The following KIAA1217 variants were observed in gnomAD, a reference collection of about 807,000 sequenced individuals.
The protein encoded by KIAA1217 is sickle tail protein homolog.
A neutral mutation model predicts 163.9 loss-of-function variants in KIAA1217; 88 were observed. The ratio of observed to expected loss-of-function variants is 0.54; its 90% confidence interval spans 0.45 to 0.64. KIAA1217 has a LOEUF of 0.64. Ranked by LOEUF, KIAA1217 falls within the 30% of genes least tolerant of loss-of-function variation. The pLI is 0.00. For synonymous variants in KIAA1217, 903 were observed against 923.1 expected (o/e 0.98, Z 0.39); for missense variants, 2,372 against 2,475.0 (o/e 0.96, Z 0.88).
At chr10:24,051,168 A>C (rs545755044) in intron 2 of KIAA1217, among the ~76,000 whole-genome samples, 1 of 152,252 alleles carries the variant, frequency 6.6e-6, no homozygotes, top group Non-Finnish European at 1.5e-5. Context: ...GTGAGAACAT[A>C]TGATGTTTGA....
At position 24,099,187 on chromosome 10, in the gene KIAA1217, CTT is replaced by C. The variant is rs568234232; in HGVS notation, c.-171+91824_-171+91825del. On this transcript the variant is annotated intron_variant, in intron 2 of 18. Transcript: ENST00000376462. ...TTTTTATTTTTTTCTCCTGCAAAAA[CTT>C]TTTTTTTTTTAATACTTTAAGTTCT... is the stretch of plus-strand genomic sequence containing the variant. Among the ~76,000 whole-genome samples the C allele has an allele frequency of 1.4e-3, 200 of 146,364 alleles. 1 individual carries two copies. Among genetic ancestry groups the C allele is most frequent in the African/African-American group, 4.2e-3 (167 of 40,160 alleles).
intron 5 of KIAA1217, among the ~76,000 whole-genome samples, chr10:24,463,503 TA>T (rs747875037): frequency 3.3e-5 from 5 of 152,198 alleles, no homozygotes; most frequent in African/African-American, 4.8e-5. Context: ...ATAGGCTAAC[TA>T]AAACCTTACA....
intron 1 of KIAA1217, among the ~76,000 whole-genome samples, chr10:23,891,196 T>C (rs1841402352): frequency 6.6e-6 from 1 of 152,034 alleles, no homozygotes; most frequent in African/African-American, 2.4e-5. Flanking sequence ...AGTTTGATAA[T>C]CTCTGCCTTT....
chr10:24,474,018 T>A lies in KIAA1217; in HGVS notation c.1637T>A (p.Phe546Tyr). The A allele has an allele frequency of 6.2e-7, 1 of 1,612,042 alleles. No homozygotes were observed. The highest frequency in any genetic ancestry group is 8.5e-7 in the Non-Finnish European group (1 of 1,178,680). ...CCTCCTCTAATGGAGAAGCAAGTTTTTGCCTACAGCACGGCGACAATACCC... is the reference window on the plus strand; with the variant it reads ...CCTCCTCTAATGGAGAAGCAAGTTTATGCCTACAGCACGGCGACAATACCC... ...LGPPLMEKQV[F>Y]AYSTATIPKD... Residue 546 changes from phenylalanine to tyrosine, a missense_variant, in exon 6 of 21, where the codon TTT becomes TAT. By Grantham distance (22) the Phe-to-Tyr change is conservative. Around this residue, in one of 3 missense-constraint regions of KIAA1217, gnomAD observed 1,431 missense variants for 1,470.3 expected, o/e 0.97. Coordinates refer to ENST00000376454, the MANE Select transcript of KIAA1217 (RefSeq NM_019590.5).
chr10:24,267,791 A>G (rs1405392289), intron 2 of KIAA1217, among the ~76,000 whole-genome samples: 2 of 152,250 alleles, frequency 1.3e-5, no homozygotes, highest in African/African-American at 4.8e-5. Flanking sequence ...TCACCTAGGC[A>G]TAGTACTTGG....
rs16923938 is a variant in KIAA1217, at chr10:23,831,597, T to C, written c.-321+136363T>C. Reference sequence around the variant, plus strand: ...TCCAACTTGTACGTTTAAATAATTGTATTAGGAATGTAATATGTGTATTAA... The same window carrying C: ...TCCAACTTGTACGTTTAAATAATTGCATTAGGAATGTAATATGTGTATTAA... On this transcript the variant is annotated intron_variant, in intron 1 of 18. Coordinates refer to the KIAA1217 transcript ENST00000376462. 5.2e-3 allele frequency among the ~76,000 whole-genome samples: 789 copies of C among 152,246 alleles called. 11 individuals are homozygous for C. The highest frequency in any genetic ancestry group is 0.017 in the African/African-American group (712 of 41,514).
intron 2 of KIAA1217, among the ~76,000 whole-genome samples, chr10:24,257,428 TGTGG>T (rs1386490313): frequency 2.0e-5 from 3 of 152,122 alleles, no homozygotes; most frequent in Admixed American, 2.0e-4. Flanking sequence ...CCGGATGAGA[TGTGG>T]GGCCCTTCCC....
At chr10:24,539,984 A>G (rs2074767416) in intron 17 of KIAA1217, among the ~76,000 whole-genome samples, 3 of 152,214 alleles carry the variant, frequency 2.0e-5, no homozygotes, top group Admixed American at 2.0e-4. Context: ...CATATTAAAG[A>G]GGCATAATTA....
At chr10:23,720,385 G>A (rs1457052413) in intron 1 of KIAA1217, among the ~76,000 whole-genome samples, 1 of 152,098 alleles carries the variant, frequency 6.6e-6, no homozygotes, top group African/African-American at 2.4e-5. Context: ...AAATAACAAG[G>A]AAATGTCTAA....
At chr10:24,309,894 C>A (rs1036199027) in intron 2 of KIAA1217, among the ~76,000 whole-genome samples, 2 of 152,172 alleles carry the variant, frequency 1.3e-5, no homozygotes, top group Admixed American at 6.5e-5. Context: ...TAGGATATAA[C>A]CTATTGTCCT....
rs986797047 is a variant in KIAA1217, at chr10:24,400,958, AACATAC to A, written c.553+19895_553+19900del. On this transcript the variant is annotated intron_variant, in intron 3 of 20. Coordinates refer to ENST00000376454, the MANE Select transcript of KIAA1217 (RefSeq NM_019590.5). ...AAATAACACAAAATTCCAAGCAAGA[AACATAC>A]ACACACACACACACACACACACACA... Among the ~76,000 whole-genome samples the A allele has an allele frequency of 4.5e-5, 4 of 89,864 alleles. No homozygotes were observed. The African/African-American group carries it at 5.3e-4, about 12-fold the overall frequency. 59.0% of individuals were successfully genotyped at this position (89,864 alleles called of 152,430 possible). A position where few individuals can be genotyped will look rare whatever the true frequency, so the allele number is the denominator to read the frequency against.
At chr10:24,102,995 G>T (rs567479482) in intron 2 of KIAA1217, among the ~76,000 whole-genome samples, 3 of 152,234 alleles carry the variant, frequency 2.0e-5, no homozygotes, top group East Asian at 3.9e-4. Context: ...AAGCTCTCTC[G>T]CCTGCTGCCA....
chr10:23,978,582 A>G (rs1276394450), intron 1 of KIAA1217, among the ~76,000 whole-genome samples: 3 of 152,100 alleles, frequency 2.0e-5, no homozygotes, highest in African/African-American at 7.2e-5. Context: ...GCACAACATT[A>G]CAGGAAGTTA....
At position 24,466,662 on chromosome 10, in the gene KIAA1217, G is replaced by C. The variant is rs370687557; in HGVS notation, c.847-6566G>C. ...TGATTTTGTTTCTGAAGAGGAAGCTGTCTAAAATATTCAAGTGTGCAACCA... is the reference window on the plus strand; with the variant it reads ...TGATTTTGTTTCTGAAGAGGAAGCTCTCTAAAATATTCAAGTGTGCAACCA... On this transcript the variant is annotated intron_variant, in intron 5 of 20. Transcript: ENST00000376454. 75 of 985,420 alleles carry C rather than the reference G, an allele frequency of 7.6e-5. No homozygotes were observed. The East Asian group carries it at 7.1e-3, about 94-fold the overall frequency. 61.0% of individuals were successfully genotyped at this position (985,420 alleles called of 1,614,324 possible).
chr10:24,382,839 CTTTTCTTTT>C (rs111588947), intron 3 of KIAA1217, among the ~76,000 whole-genome samples: 21,201 of 112,200 alleles, frequency 0.19, 4,780 homozygotes, highest in African/African-American at 0.58. Context: ...TGTGGTTTTT[CTTTTCTTTT>C]TTTTTTTTTT....
At chr10:24,245,313 G>C (rs2073660419) in intron 2 of KIAA1217, among the ~76,000 whole-genome samples, 1 of 152,158 alleles carries the variant, frequency 6.6e-6, no homozygotes, top group Non-Finnish European at 1.5e-5. Flanking sequence ...CGGAGCTGTG[G>C]TCTCCGCCCT....
Position 24,346,770 on chromosome 10 carries a change from C to T in KIAA1217, c.355-34099C>T, listed in dbSNP as rs186940816. The stretch of plus-strand genomic sequence containing the variant: ...TATTTTAGTGGAGTTGGGGTTTTGC[C>T]ATGTTGGCCAGGCTGGTCTCGAACT... On this transcript the variant is annotated intron_variant, in intron 2 of 20. Coordinates refer to ENST00000376454, the MANE Select transcript of KIAA1217 (RefSeq NM_019590.5). Among the ~76,000 whole-genome samples, 1,042 of 151,850 alleles carry T rather than the reference C, an allele frequency of 6.9e-3. 10 individuals carry two copies. The highest frequency in any genetic ancestry group is 0.024 in the South Asian group (116 of 4,800).
intron 2 of KIAA1217, among the ~76,000 whole-genome samples, chr10:24,060,982 A>G (rs2060702001): frequency 6.6e-6 from 1 of 152,264 alleles, no homozygotes; most frequent in African/African-American, 2.4e-5. Context: ...AATTCACTGT[A>G]TCTTTGTAGA....
At chr10:23,861,867 A>T (rs1287426165) in intron 1 of KIAA1217, among the ~76,000 whole-genome samples, 1 of 152,172 alleles carries the variant, frequency 6.6e-6, no homozygotes, top group African/African-American at 2.4e-5. Flanking sequence ...TGAGCCTCAG[A>T]GCAGAGAAAT....
Sources: allele counts gnomAD v4.1 joint callset (sites outside exome capture counted in the v4.1 genomes callset), GRCh38; gene constraint gnomAD v4.1.1; regional missense constraint gnomAD v4.1.1; transcripts MANE v1.5; gene names NCBI Gene and HGNC (gene_info 2026-07-23, HGNC 2026-07-21).